Variants in TMEM245 observed in about 807,000 individuals in gnomAD.
TMEM245 encodes transmembrane protein 245, also known as protein CG-2.
A neutral mutation model predicts 101.2 loss-of-function variants in TMEM245; 69 were observed. That is an observed-to-expected ratio of 0.68 (90% CI 0.56 to 0.83). The LOEUF (loss-of-function observed/expected upper bound fraction) is 0.83, where lower values mean the gene tolerates loss of function less well. Ranked by LOEUF, TMEM245 falls within the 40% of genes least tolerant of loss-of-function variation. The pLI, the probability that TMEM245 is intolerant of heterozygous loss-of-function variation, is 0.00. For missense variants in TMEM245, 1,075 were observed against 1,092.8 expected, an observed-to-expected ratio of 0.98 and a Z score of 0.23; for synonymous variants, 537 against 449.8, an observed-to-expected ratio of 1.19 and a Z score of -2.45.
At chr9:109,041,001 C>T (rs946314656) in intron 14 of TMEM245, among the ~76,000 whole-genome samples, 11 of 152,188 alleles carry the variant, frequency 7.2e-5, no homozygotes, top group Non-Finnish European at 1.5e-4. Context: ...AACTTTATAA[C>T]TAATATTAGC....
At chr9:109,080,964 G>A (rs764728733) in intron 7 of TMEM245, 21 bp from the exon 8 acceptor site, 1 of 1,419,642 alleles carries the variant, frequency 7.0e-7, no homozygotes, top group Non-Finnish European at 9.9e-7. Flanking sequence ...ACGAAAAAGA[G>A]AATTACTTAT....
intron 14 of TMEM245, chr9:109,046,321 C>T (rs775161461): frequency 1.9e-6 from 1 of 533,596 alleles, no homozygotes; most frequent in Non-Finnish European, 3.9e-6. Context: ...AGAATGGGAG[C>T]ATCAGGGAAG....
At chr9:109,065,727 G>C (rs1231112204) in intron 9 of TMEM245, among the ~76,000 whole-genome samples, 1 of 152,026 alleles carries the variant, frequency 6.6e-6, no homozygotes, top group Non-Finnish European at 1.5e-5. Flanking sequence ...AATAATATAC[G>C]CTGGAGATGT....
intron 1 of TMEM245, among the ~76,000 whole-genome samples, chr9:109,109,529 A>G (rs552601103): frequency 6.6e-6 from 1 of 152,224 alleles, no homozygotes; most frequent in East Asian, 1.9e-4. Flanking sequence ...TAAAAAAGAC[A>G]GAAAAAAACT....
chr9:109,114,024 C>T (rs62575242), intron 1 of TMEM245, among the ~76,000 whole-genome samples: 9,463 of 152,158 alleles, frequency 0.062, 392 homozygotes, highest in South Asian at 0.14. Context: ...TGCGGTGAGC[C>T]GAGAACGCGC....
At chr9:109,043,428 T>G (rs1308773001) in intron 14 of TMEM245, among the ~76,000 whole-genome samples, 1 of 152,202 alleles carries the variant, frequency 6.6e-6, no homozygotes, top group Non-Finnish European at 1.5e-5. Context: ...AACACTTACA[T>G]CAAGTTTACC....
At chr9:109,027,341 T>A (rs74811914) in intron 17 of TMEM245, among the ~76,000 whole-genome samples, 1 of 47,794 alleles carries the variant, frequency 2.1e-5, no homozygotes. Context: ...AAACTAGAGG[T>A]TTTTTTCCCC....
chr9:109,051,836 A>G lies in TMEM245; in HGVS notation c.1855-1144T>C, dbSNP rs912972231. ...TGGCTGCCTAGCCCCCACCCTTGCCATTTCCAACTTAGAGCTATCTACAAA... is the reference window on the plus strand; with the variant it reads ...TGGCTGCCTAGCCCCCACCCTTGCCGTTTCCAACTTAGAGCTATCTACAAA... On this transcript the variant is annotated intron_variant, in intron 12 of 17. Transcript: ENST00000374586. Among the ~76,000 whole-genome samples, 7 of 152,264 alleles carry G rather than the reference A, an allele frequency of 4.6e-5. No individual in the cohort carries two copies. The East Asian group carries it at 1.2e-3, about 25-fold the overall frequency.
Position 109,115,852 on chromosome 9 carries a change from A to G in TMEM245, c.579+3483T>C, listed in dbSNP as rs558004256. 2.0e-5 allele frequency among the ~76,000 whole-genome samples: 3 copies of G among 152,272 alleles called. No individual in the cohort carries two copies. The South Asian group carries it at 6.2e-4, about 32-fold the overall frequency. The stretch of plus-strand genomic sequence containing the variant: ...GCCTACAATCCACTAAAAATAATTA[A>G]ACACAATGTATTAGGGAAAACTTTT... On this transcript the variant is annotated intron_variant, in intron 1 of 17. Transcript: ENST00000374586.
In TMEM245 at chr9:109,108,521, T is replaced by A. The variant is rs201071408; in HGVS notation, c.629A>T (p.Asn210Ile). ...TCTCAAGTAGCGTTCAGTGCTTGCA[T>A]TCCACTTGAATGAAACAGTCAACAC... is the stretch of plus-strand genomic sequence containing the variant. ...GYVLTVSFKW[N>I]ASTERYLRAV... The change falls in exon 2 of 18, where the codon AAT (asparagine) becomes ATT (isoleucine). Residue 210 changes from asparagine (N) to isoleucine (I), a missense_variant. Physicochemically the swap from Asn to Ile is moderately radical, Grantham distance 149. Around this residue, in one of 2 missense-constraint regions of TMEM245, gnomAD observed 808 missense variants for 741.5 expected, o/e 1.09. Coordinates refer to ENST00000374586, the MANE Select transcript of TMEM245 (RefSeq NM_032012.4). 3 of 1,609,928 alleles carry A rather than the reference T, an allele frequency of 1.9e-6. No individual in the cohort carries two copies. Among genetic ancestry groups the A allele is most frequent in the South Asian group, 1.1e-5 (1 of 90,278 alleles).
chr9:109,033,377 C>A lies in TMEM245; in HGVS notation c.2524G>T (p.Ala842Ser). ...ILVVASNIYS[A>S]MLVSPTNSVP... ...GAATTCGTGGGACTCACTAGCATGG[C>A]ACTATAGATATTGGAAGCAACCACA... Residue 842 changes from alanine to serine, a missense_variant, in exon 17 of 18, where the codon GCC becomes TCC. This residue lies in a region of TMEM245 where 267 missense variants were observed against 351.3 expected (regional missense o/e 0.76). Coordinates refer to ENST00000374586, the MANE Select transcript of TMEM245 (RefSeq NM_032012.4). 6.2e-7 allele frequency: 1 copy of A among 1,614,102 alleles called. No homozygotes were observed. The highest frequency in any genetic ancestry group is 8.5e-7 in the Non-Finnish European group (1 of 1,179,996).
intron 15 of TMEM245, among the ~76,000 whole-genome samples, chr9:109,037,757 G>T (rs1368331308): frequency 6.6e-6 from 1 of 152,044 alleles, no homozygotes; most frequent in Admixed American, 6.6e-5. Flanking sequence ...CCTAATCTCA[G>T]GTATTTCTTT....
Position 109,119,580 on chromosome 9 carries a change from G to C in TMEM245, c.334C>G (p.Leu112Val), listed in dbSNP as rs772823999. 1 of 1,546,506 alleles carries C rather than the reference G, an allele frequency of 6.5e-7. No homozygotes were observed. Among genetic ancestry groups the C allele is most frequent in the South Asian group, 1.2e-5 (1 of 84,060 alleles). ...ACGATGGGCGTGTGCGCGCGGTGCA[G>C]GCGCTGCAGCCAGTGGCGGCCCAGG... ...TRLGRHWLQR[L>V]HRAHTPIVLA... Residue 112 changes from leucine (L) to valine (V), a missense_variant, in exon 1 of 18, where the codon CTG becomes GTG. By Grantham distance (32) the Leu-to-Val change is conservative. Coordinates refer to ENST00000374586, the MANE Select transcript of TMEM245 (RefSeq NM_032012.4).
rs771837571 is a variant in TMEM245, at chr9:109,091,096, G to A, written c.976C>T (p.Pro326Ser). The A allele has an allele frequency of 1.2e-6, 2 of 1,614,056 alleles. No homozygotes were observed. Among genetic ancestry groups the A allele is most frequent in the East Asian group, 2.2e-5 (1 of 44,884 alleles). ...GTAGGTGAAGGGGAAGTGGGTGAAG[G>A]GGAGGAGGGTGAAGGGGAGGTGGAC... is the stretch of plus-strand genomic sequence containing the variant. The part of the protein sequence containing the change: ...TLSTSPSPSS[P>S]SPTSPSPTLG... Residue 326 changes from proline (P) to serine (S), a missense_variant, in exon 5 of 18, where the codon CCT becomes TCT. Transcript: ENST00000374586.
At chr9:109,087,848 G>C (rs967617873) in intron 5 of TMEM245, among the ~76,000 whole-genome samples, 1 of 152,180 alleles carries the variant, frequency 6.6e-6, no homozygotes, top group South Asian at 2.1e-4. Flanking sequence ...GAGTAATGTT[G>C]TTCCTATTTC....
chr9:109,051,622 A>C (rs768858208), intron 12 of TMEM245, among the ~76,000 whole-genome samples: 2 of 152,216 alleles, frequency 1.3e-5, no homozygotes, highest in Non-Finnish European at 2.9e-5. Context: ...TAAAAGGTAC[A>C]GTAAAAATAC....
intron 5 of TMEM245, among the ~76,000 whole-genome samples, chr9:109,089,314 C>CT (rs1829932583): frequency 1.3e-5 from 2 of 151,892 alleles, no homozygotes; most frequent in Admixed American, 1.3e-4. Flanking sequence ...ATACCATGCT[C>CT]TGGTCATAAT....
At chr9:109,023,946 G>A (rs79989874) in intron 17 of TMEM245, among the ~76,000 whole-genome samples, 10 of 152,148 alleles carry the variant, frequency 6.6e-5, no homozygotes, top group African/African-American at 2.4e-4. Context: ...GAGCAACAGG[G>A]ATTGTGCAGT....
chr9:109,107,276 G>A (rs1830453518), intron 2 of TMEM245, among the ~76,000 whole-genome samples: 2 of 151,652 alleles, frequency 1.3e-5, no homozygotes, highest in African/African-American at 4.9e-5. Context: ...GTACATGCCT[G>A]TAATCCCAGC....
Sources: gnomAD v4.1 joint callset for allele counts (sites outside exome capture counted in the v4.1 genomes callset) on GRCh38, gnomAD v4.1.1 for gene constraint, gnomAD v4.1.1 regional missense constraint, MANE v1.5 for transcripts, NCBI Gene and HGNC (gene_info 2026-07-23, HGNC 2026-07-21) for gene names.